AGAP1: variants seen among roughly 807,000 people sequenced by gnomAD.
AGAP1 encodes ArfGAP with GTPase domain, ankyrin repeat and PH domain 1, also known as arf-GAP with GTPase, ANK repeat and PH domain-containing protein 1.
In AGAP1, 29 loss-of-function variants were observed where a neutral mutation model predicts 105.3. The observed-to-expected ratio is 0.28, with a 90% CI of 0.21 to 0.38. AGAP1 has a LOEUF of 0.38. Ranked by LOEUF, AGAP1 falls within the 10% of genes least tolerant of loss-of-function variation. The probability of loss-of-function intolerance (pLI) is 1.00; values close to 1 mark genes in which losing one functional copy is unlikely to be tolerated. For missense variants in AGAP1, 998 were observed against 1,165.1 expected (o/e 0.86, Z 2.09); for synonymous variants, 509 against 485.9 (o/e 1.05, Z -0.63).
In AGAP1 at chr2:235,555,612, T is replaced by G. The variant is rs149861058; in HGVS notation, c.163+60763T>G. Among the ~76,000 whole-genome samples the G allele has an allele frequency of 6.6e-6, 1 of 152,222 alleles. No homozygotes were observed. Among genetic ancestry groups the G allele is most frequent in the East Asian group, 1.9e-4 (1 of 5,196 alleles). Reference sequence around the variant, plus strand: ...TGGAGGCCGGGCTGTGCATGAGCTATGCAGGCCTTGGGGTCTTTTCATCAG... The same window carrying G: ...TGGAGGCCGGGCTGTGCATGAGCTAGGCAGGCCTTGGGGTCTTTTCATCAG... On this transcript the variant is annotated intron_variant, in intron 1 of 17. Coordinates refer to ENST00000304032, the MANE Select transcript of AGAP1 (RefSeq NM_001037131.3). The surrounding 1 kb of genome is among the most constrained non-coding windows in gnomAD (Gnocchi z 5.1).
At position 235,786,013 on chromosome 2, in the gene AGAP1, C is replaced by A. The variant is rs1452792814; in HGVS notation, c.674-11746C>A. ...GAAGAATTGCCGGGTGAGCCTTCAC[C>A]TTCAGGGGATGGCAGAAACATTTCT... is the stretch of plus-strand genomic sequence containing the variant. On this transcript the variant is annotated intron_variant, in intron 6 of 17. Coordinates refer to ENST00000304032, the MANE Select transcript of AGAP1 (RefSeq NM_001037131.3). 2.0e-5 allele frequency among the ~76,000 whole-genome samples: 3 copies of A among 152,202 alleles called. No homozygotes were observed. In the East Asian group the frequency reaches 5.8e-4, roughly 29 times the overall value.
intron 1 of AGAP1, among the ~76,000 whole-genome samples, chr2:235,580,338 T>C (rs1412927223): frequency 6.6e-6 from 1 of 152,072 alleles, no homozygotes; most frequent in Non-Finnish European, 1.5e-5. Context: ...TCCCCATCAT[T>C]AGTGGTGAGA....
At chr2:235,504,710 T>G (rs1459517305) in intron 1 of AGAP1, among the ~76,000 whole-genome samples, 1 of 152,196 alleles carries the variant, frequency 6.6e-6, no homozygotes, top group Non-Finnish European at 1.5e-5. Context: ...AGCCCCTATC[T>G]GGGAAACCTT....
rs2059999345 is a variant in AGAP1 at position 236,126,012 on chromosome 2, A to G, written c.*1890A>G. ...TATGTTAAACCTTATATTTTATAAG[A>G]GTTTTTCCTCTTATTTCACTTTTTA... is the stretch of plus-strand genomic sequence containing the variant. On this transcript the variant is annotated 3_prime_UTR_variant, in exon 18 of 18. Transcript: ENST00000304032. The G allele has an allele frequency of 6.6e-6, 1 of 152,018 alleles. No individual in the cohort carries two copies. The highest frequency in any genetic ancestry group is 6.5e-5 in the Admixed American group (1 of 15,280). The allele number at this position is 152,018 out of a possible 1,614,324, so 9.4% of individuals were successfully genotyped here.
Position 235,517,782 on chromosome 2 carries a change from C to CA in AGAP1, c.163+22938dup, listed in dbSNP as rs1436427469. On this transcript the variant is annotated intron_variant, in intron 1 of 17. Transcript: ENST00000304032. The surrounding 1 kb of genome is among the most constrained non-coding windows in gnomAD (Gnocchi z 4.1). ...TGAAACCCCGTTTCTACTAAAAATA[C>CA]AAAAATTAGTCAGACATGGTGGCGT... Among the ~76,000 whole-genome samples the CA allele has an allele frequency of 6.6e-6, 1 of 151,838 alleles. No homozygotes were observed. The highest frequency in any genetic ancestry group is 1.9e-4 in the East Asian group (1 of 5,162).
rs769699208 is a variant in AGAP1, at chr2:236,050,486, G to A, written c.2114+1205G>A. On this transcript the variant is annotated intron_variant, in intron 16 of 17. Transcript: ENST00000304032. This position sits in a 1 kb window ranked among gnomAD's most constrained non-coding sequence, Gnocchi z 4.0. ...GACAGGGGTAAGTTTCTTACAAACCGAAGAAATTATGCACTTTAAAAAGTA... is the reference window on the plus strand; with the variant it reads ...GACAGGGGTAAGTTTCTTACAAACCAAAGAAATTATGCACTTTAAAAAGTA... 1.4e-4 allele frequency among the ~76,000 whole-genome samples: 21 copies of A among 152,254 alleles called. 1 individual carries two copies. The highest frequency in any genetic ancestry group is 6.2e-4 in the South Asian group (3 of 4,822).
chr2:235,538,427 A>ATGTGTGTGTGTGTGTGTGTGTGTGTGTG lies in AGAP1; in HGVS notation c.163+43585_163+43612dup, dbSNP rs57515821. Reference sequence around the variant, plus strand: ...CTCTGGAGGAAGAACCTCAGCCACTATGTGTGTGTGTGTGTGTGTGTGTGT... The same window carrying ATGTGTGTGTGTGTGTGTGTGTGTGTGTG: ...CTCTGGAGGAAGAACCTCAGCCACTATGTGTGTGTGTGTGTGTGTGTGTGTGTGTGTGTGTGTGTGTGTGTGTGTGTGT... On this transcript the variant is annotated intron_variant, in intron 1 of 17. Transcript: ENST00000304032. Among the ~76,000 whole-genome samples, 133 of 135,400 alleles carry ATGTGTGTGTGTGTGTGTGTGTGTGTGTG rather than the reference A, an allele frequency of 9.8e-4. 7 individuals are homozygous for ATGTGTGTGTGTGTGTGTGTGTGTGTGTG. The highest frequency in any genetic ancestry group is 6.1e-4 in the Admixed American group (8 of 13,192). 88.8% of individuals were successfully genotyped at this position (135,400 alleles called of 152,430 possible).
chr2:235,683,456 A>G (rs2149406757), intron 1 of AGAP1, among the ~76,000 whole-genome samples: 1 of 151,016 alleles, frequency 6.6e-6, no homozygotes, highest in South Asian at 2.1e-4. Flanking sequence ...TAATTTATAA[A>G]TATTATACAA....
rs527452886 is a variant in AGAP1 at position 235,994,922 on chromosome 2, C to A, written c.1645+26299C>A. Among the ~76,000 whole-genome samples the A allele has an allele frequency of 1.3e-5, 2 of 150,920 alleles. No homozygotes were observed. Among genetic ancestry groups the A allele is most frequent in the Admixed American group, 6.6e-5 (1 of 15,160 alleles). On this transcript the variant is annotated intron_variant, in intron 13 of 17. Transcript: ENST00000304032. This position sits in a 1 kb window ranked among gnomAD's most constrained non-coding sequence, Gnocchi z 4.4. The stretch of plus-strand genomic sequence containing the variant: ...TGTACTAAAAATACAAAAACATTAG[C>A]CAAGCGTGGTGGTAGGCGCCTGTAA...
chr2:235,700,819 C>T lies in AGAP1; in HGVS notation c.164-8360C>T, dbSNP rs544851114. On this transcript the variant is annotated intron_variant, in intron 1 of 17. Transcript: ENST00000304032. The surrounding 1 kb of genome is among the most constrained non-coding windows in gnomAD (Gnocchi z 6.1). ...TGTCTCTGTCTCTCTCTCTCTCTCT[C>T]TGTGTATATATAGTATATATTATAT... Among the ~76,000 whole-genome samples the T allele has an allele frequency of 1.3e-5, 2 of 149,364 alleles. No homozygotes were observed. Among genetic ancestry groups the T allele is most frequent in the East Asian group, 3.9e-4 (2 of 5,134 alleles).
rs1329735647 is a variant in AGAP1, at chr2:235,845,335, C to A, written c.1050+38004C>A. On this transcript the variant is annotated intron_variant, in intron 9 of 17. Transcript: ENST00000304032. This position sits in a 1 kb window ranked among gnomAD's most constrained non-coding sequence, Gnocchi z 4.8. ...CACATGTATGGTGTGCTCAGGGGAC[C>A]CCCAGAGCAAAATCCAACACCATGC... 6.6e-6 allele frequency among the ~76,000 whole-genome samples: 1 copy of A among 152,068 alleles called. No individual in the cohort carries two copies. Among genetic ancestry groups the A allele is most frequent in the African/African-American group, 2.4e-5 (1 of 41,398 alleles).
Position 236,120,161 on chromosome 2 carries a change from G to A in AGAP1, c.2115-31G>A, listed in dbSNP as rs912652069. 6.3e-6 allele frequency: 10 copies of A among 1,588,474 alleles called. 1 individual carries two copies. The highest frequency in any genetic ancestry group is 1.7e-4 in the Middle Eastern group (1 of 5,956). On this transcript the variant is annotated intron_variant, in intron 16 of 17. Coordinates refer to ENST00000304032, the MANE Select transcript of AGAP1 (RefSeq NM_001037131.3). The surrounding 1 kb of genome is among the most constrained non-coding windows in gnomAD (Gnocchi z 6.0). ...GCAGCCTGTGTTCTCGGGCCTGATC[G>A]TGACTGCACCTGTCTGGTGGCTCTT...
At position 235,930,667 on chromosome 2, in the gene AGAP1, T is replaced by A; in HGVS notation, c.1325-98T>A. ...ACAGGGGCTGCTCTCGGTGGTAAGGTGCACTATGTGCCAGCGTGTGGGTCC... is the reference window on the plus strand; with the variant it reads ...ACAGGGGCTGCTCTCGGTGGTAAGGAGCACTATGTGCCAGCGTGTGGGTCC... On this transcript the variant is annotated intron_variant, in intron 11 of 17. Transcript: ENST00000304032. The surrounding 1 kb of genome is among the most constrained non-coding windows in gnomAD (Gnocchi z 7.9). 8.2e-7 allele frequency: 1 copy of A among 1,221,958 alleles called. No homozygotes were observed. The highest frequency in any genetic ancestry group is 2.6e-5 in the East Asian group (1 of 38,950). The allele number at this position is 1,221,958 out of a possible 1,614,324, so 75.7% of individuals were successfully genotyped here. A position where few individuals can be genotyped will look rare whatever the true frequency, so the allele number is the denominator to read the frequency against.
chr2:235,807,253 C>A lies in AGAP1; in HGVS notation c.972C>A (p.Ser324Arg). Residue 324 changes from serine to arginine, a missense_variant, in exon 9 of 18, where the codon AGC becomes AGA. Transcript: ENST00000304032. ...RSNLFTSRKGSDPDKEKKGLE... is the reference protein window; with the variant it reads ...RSNLFTSRKGRDPDKEKKGLE... Reference sequence around the variant, plus strand: ...TTGCTTTGCAGTCTCGGAAAGGGAGCGACCCAGACAAAGAGAAGAAAGGCC... The same window carrying A: ...TTGCTTTGCAGTCTCGGAAAGGGAGAGACCCAGACAAAGAGAAGAAAGGCC... The A allele has an allele frequency of 1.2e-6, 2 of 1,609,794 alleles. No homozygotes were observed. The highest frequency in any genetic ancestry group is 1.7e-4 in the Middle Eastern group (1 of 6,040).
rs911914602 is a variant in AGAP1, at chr2:235,879,649, G to T, written c.1051-3696G>T. On this transcript the variant is annotated intron_variant, in intron 9 of 17. Transcript: ENST00000304032. The surrounding 1 kb of genome is among the most constrained non-coding windows in gnomAD (Gnocchi z 5.0). ...AGCACTTTCTAAAGACCTAAGCGAG[G>T]CATGGTGGCTCACTCCCCTGTTACC... Among the ~76,000 whole-genome samples, 4 of 152,118 alleles carry T rather than the reference G, an allele frequency of 2.6e-5. No individual in the cohort carries two copies. The highest frequency in any genetic ancestry group is 9.7e-5 in the African/African-American group (4 of 41,416).
rs563614864 is a variant in AGAP1 at position 235,882,299 on chromosome 2, G to A, written c.1051-1046G>A. The A allele has an allele frequency of 2.6e-5, 17 of 662,022 alleles. No homozygotes were observed. The highest frequency in any genetic ancestry group is 4.4e-4 in the Middle Eastern group (1 of 2,290). 41.0% of individuals were successfully genotyped at this position (662,022 alleles called of 1,614,324 possible). On this transcript the variant is annotated intron_variant, in intron 9 of 17. Coordinates refer to ENST00000304032, the MANE Select transcript of AGAP1 (RefSeq NM_001037131.3). This position sits in a 1 kb window ranked among gnomAD's most constrained non-coding sequence, Gnocchi z 4.6. ...GTGGCTCGTGTCCATCTTGCAGGTC[G>A]CTCTTCCTCCACATCACAACTGGGG...
intron 6 of AGAP1, among the ~76,000 whole-genome samples, chr2:235,779,056 A>G (rs1956093089): frequency 6.6e-6 from 1 of 152,230 alleles, no homozygotes; most frequent in South Asian, 2.1e-4. Context: ...CATGCAGGTC[A>G]TAAATTGCCT....
rs952833009 is a variant in AGAP1, at chr2:235,971,909, G to T, written c.1645+3286G>T. On this transcript the variant is annotated intron_variant, in intron 13 of 17. Transcript: ENST00000304032. The surrounding 1 kb of genome is among the most constrained non-coding windows in gnomAD (Gnocchi z 4.8). The stretch of plus-strand genomic sequence containing the variant: ...TCTTCCCACCTCAGCCTCCCAAGTA[G>T]CTGGGACCACAGGCAGGCACCACGA... Among the ~76,000 whole-genome samples, 1 of 151,410 alleles carries T rather than the reference G, an allele frequency of 6.6e-6. No homozygotes were observed. The highest frequency in any genetic ancestry group is 2.4e-5 in the African/African-American group (1 of 41,210).
intron 9 of AGAP1, among the ~76,000 whole-genome samples, chr2:235,858,260 G>A (rs541199751): frequency 6.6e-6 from 1 of 152,208 alleles, no homozygotes; most frequent in African/African-American, 2.4e-5. Flanking sequence ...TTTTATCAAC[G>A]GTTTTGGTAG....
Sources: allele counts gnomAD v4.1 joint callset (sites outside exome capture counted in the v4.1 genomes callset), GRCh38; gene constraint gnomAD v4.1.1; non-coding constraint Gnocchi (gnomAD v3.1); transcripts MANE v1.5; gene names NCBI Gene and HGNC (gene_info 2026-07-23, HGNC 2026-07-21).